The following NTM variants were observed in gnomAD, a reference collection of about 807,000 sequenced individuals.
NTM encodes the protein neurotrimin.
In NTM, 13 loss-of-function variants were observed where a neutral mutation model predicts 42.1. The ratio of observed to expected loss-of-function variants is 0.31; its 90% confidence interval spans 0.20 to 0.49. The LOEUF (loss-of-function observed/expected upper bound fraction) is 0.49, where lower values mean the gene tolerates loss of function less well. NTM is among the 20% of genes least tolerant of loss of function. The pLI is 0.99. For synonymous variants in NTM, 187 were observed against 179.2 expected, an observed-to-expected ratio of 1.04 and a Z score of -0.35; for missense variants, 373 against 452.8, an observed-to-expected ratio of 0.82 and a Z score of 1.60.
intron 2 of NTM, among the ~76,000 whole-genome samples, chr11:131,932,230 A>G (rs1439669166): frequency 1.3e-5 from 2 of 152,160 alleles, no homozygotes; most frequent in Admixed American, 6.5e-5. Context: ...CATACAAAAC[A>G]TAGAATAAAT....
intron 7 of NTM, among the ~76,000 whole-genome samples, chr11:132,318,410 A>G (rs1403320541): frequency 6.6e-6 from 1 of 152,176 alleles, no homozygotes; most frequent in Admixed American, 6.5e-5. Flanking sequence ...ATAAACTGAA[A>G]GACAAGGATG....
chr11:132,162,696 G>A (rs1428888762), intron 3 of NTM, among the ~76,000 whole-genome samples: 1 of 150,344 alleles, frequency 6.7e-6, no homozygotes, highest in African/African-American at 2.5e-5. Flanking sequence ...TAGGGAATGT[G>A]TATGTGATCT....
chr11:132,268,528 A>G (rs1284993961), intron 4 of NTM, among the ~76,000 whole-genome samples: 2 of 151,980 alleles, frequency 1.3e-5, no homozygotes, highest in Non-Finnish European at 2.9e-5. Flanking sequence ...AGCTGCCCAT[A>G]TGTTTAGGTT....
chr11:131,428,856 G>A (rs1234044465), intron 1 of NTM, among the ~76,000 whole-genome samples: 1 of 118,264 alleles, frequency 8.5e-6, no homozygotes, highest in Admixed American at 1.1e-4. Flanking sequence ...CCCACATGGT[G>A]AAACCCCATC....
chr11:131,515,762 G>A (rs2048817372), intron 1 of NTM, among the ~76,000 whole-genome samples: 3 of 152,168 alleles, frequency 2.0e-5, no homozygotes, highest in African/African-American at 7.2e-5. Context: ...AGCTGCATCA[G>A]GTGTTTAAGT....
intron 2 of NTM, among the ~76,000 whole-genome samples, chr11:131,960,420 A>G (rs751161860): frequency 9.9e-5 from 15 of 152,200 alleles, no homozygotes; most frequent in Non-Finnish European, 4.4e-5. Context: ...GCTGGATGCC[A>G]TTCATCTGGC....
intron 1 of NTM, among the ~76,000 whole-genome samples, chr11:131,688,224 G>C (rs2074173363): frequency 6.6e-6 from 1 of 152,150 alleles, no homozygotes; most frequent in South Asian, 2.1e-4. Flanking sequence ...TGGAGAACAG[G>C]CTCCCGGGGC....
In NTM at chr11:132,146,635, A is replaced by G; in HGVS notation, c.400+121A>G. The G allele has an allele frequency of 2.0e-6, 2 of 1,022,412 alleles. No homozygotes were observed. Among genetic ancestry groups the G allele is most frequent in the Non-Finnish European group, 1.4e-6 (1 of 722,582 alleles). The allele number at this position is 1,022,412 out of a possible 1,614,324, so 63.3% of individuals were successfully genotyped here. A position where few individuals can be genotyped will look rare whatever the true frequency, so the allele number is the denominator to read the frequency against. On this transcript the variant is annotated intron_variant, in intron 3 of 8. Transcript: ENST00000683400. This position sits in a 1 kb window ranked among gnomAD's most constrained non-coding sequence, Gnocchi z 4.5. ...TCCTTATTCTACGCATCTGGGGTCC[A>G]GGGCACATTTCTGGTTGTCATTTTG...
chr11:131,817,796 C>T (rs904866023), intron 1 of NTM, among the ~76,000 whole-genome samples: 13 of 152,250 alleles, frequency 8.5e-5, no homozygotes, highest in African/African-American at 3.1e-4. Flanking sequence ...ACAATAATTG[C>T]CAGCCCTTGC....
intron 1 of NTM, among the ~76,000 whole-genome samples, chr11:131,645,932 G>T (rs1349355779): frequency 6.6e-6 from 1 of 152,186 alleles, no homozygotes; most frequent in Non-Finnish European, 1.5e-5. Flanking sequence ...AGATACCAAG[G>T]CTTTGCGTCT....
intron 2 of NTM, among the ~76,000 whole-genome samples, chr11:132,012,166 A>C (rs2072349620): frequency 6.6e-6 from 1 of 152,212 alleles, no homozygotes; most frequent in Non-Finnish European, 1.5e-5. Context: ...GTCGGGGAAG[A>C]AAGGAAAAAG....
chr11:131,651,671 T>C lies in NTM; in HGVS notation c.83-259893T>C, dbSNP rs182762156. Reference sequence around the variant, plus strand: ...CCTGGCGAACATGGTGAAACCCTGTTTTTTACTAAAAATACAAAAATTAGC... The same window carrying C: ...CCTGGCGAACATGGTGAAACCCTGTCTTTTACTAAAAATACAAAAATTAGC... On this transcript the variant is annotated intron_variant, in intron 1 of 8. Transcript: ENST00000683400. Among the ~76,000 whole-genome samples the C allele has an allele frequency of 1.9e-3, 287 of 152,068 alleles. 3 individuals carry two copies. Among genetic ancestry groups the C allele is most frequent in the African/African-American group, 6.7e-3 (277 of 41,442 alleles).
In NTM at chr11:131,789,632, A is replaced by AAGG. The variant is rs2090456283; in HGVS notation, c.83-121930_83-121929insGAG. 2.2e-5 allele frequency among the ~76,000 whole-genome samples: 2 copies of AAGG among 90,484 alleles called. 1 individual carries two copies. Among genetic ancestry groups the AAGG allele is most frequent in the Non-Finnish European group, 4.7e-5 (2 of 42,644 alleles). The allele number at this position is 90,484 out of a possible 152,430, so 59.4% of individuals were successfully genotyped here. A position where few individuals can be genotyped will look rare whatever the true frequency, so the allele number is the denominator to read the frequency against. ...GAAGAAGAAGAAGAAGAAGAAGAAGAAGAAAAGAAGAAGAAGAAGAAGAAG... is the reference window on the plus strand; with the variant it reads ...GAAGAAGAAGAAGAAGAAGAAGAAGAAGGAGAAAAGAAGAAGAAGAAGAAGAAG... On this transcript the variant is annotated intron_variant, in intron 1 of 8. Coordinates refer to ENST00000683400, the MANE Select transcript of NTM (RefSeq NM_001352005.2).
At chr11:131,511,171 C>A (rs969179347) in intron 1 of NTM, among the ~76,000 whole-genome samples, 5 of 152,154 alleles carry the variant, frequency 3.3e-5, no homozygotes, top group Admixed American at 1.3e-4. Context: ...GTACACTCCT[C>A]TGAGACCTAC....
chr11:132,318,559 C>A (rs1565469930), intron 7 of NTM, among the ~76,000 whole-genome samples: 1 of 152,274 alleles, frequency 6.6e-6, no homozygotes, highest in East Asian at 1.9e-4. Flanking sequence ...ACATCCCTTC[C>A]AATTTTCTCA....
At chr11:131,872,950 C>T (rs946147175) in intron 1 of NTM, among the ~76,000 whole-genome samples, 7 of 152,152 alleles carry the variant, frequency 4.6e-5, no homozygotes, top group Admixed American at 3.9e-4. Context: ...AACTCATTTA[C>T]ACTCCCACCA....
intron 2 of NTM, among the ~76,000 whole-genome samples, chr11:132,006,951 G>A (rs746295038): frequency 1.4e-4 from 22 of 152,220 alleles, no homozygotes; most frequent in Non-Finnish European, 2.8e-4. Flanking sequence ...TACAAATGAC[G>A]TGTGTCACCC....
At chr11:132,000,089 G>A (rs971119749) in intron 2 of NTM, among the ~76,000 whole-genome samples, 6 of 152,044 alleles carry the variant, frequency 3.9e-5, no homozygotes, top group African/African-American at 1.4e-4. Context: ...GGTACATTCA[G>A]GTGAGCACAG....
At chr11:132,198,874 A>G (rs1835955720) in intron 3 of NTM, among the ~76,000 whole-genome samples, 1 of 152,210 alleles carries the variant, frequency 6.6e-6, no homozygotes, top group Non-Finnish European at 1.5e-5. Context: ...TTTTGAATTC[A>G]TTCACTCATT....
Sources: allele counts gnomAD v4.1 joint callset (sites outside exome capture counted in the v4.1 genomes callset), GRCh38; gene constraint gnomAD v4.1.1; non-coding constraint Gnocchi (gnomAD v3.1); transcripts MANE v1.5; gene names NCBI Gene and HGNC (gene_info 2026-07-23, HGNC 2026-07-21).